The following COL2A1 variants were observed in gnomAD, a reference collection of about 807,000 sequenced individuals.
The protein encoded by COL2A1 is collagen type II alpha 1 chain, also known as collagen alpha-1(II) chain.
COL2A1 carries 28 observed loss-of-function variants against 204.5 expected under a neutral mutation model. The observed-to-expected ratio is 0.14, with a 90% CI of 0.10 to 0.19. The LOEUF (loss-of-function observed/expected upper bound fraction) is 0.19, where lower values mean the gene tolerates loss of function less well. Ranked by LOEUF, COL2A1 falls within the 10% of genes least tolerant of loss-of-function variation. COL2A1 has a pLI of 1.00. For synonymous variants in COL2A1, 708 were observed against 718.7 expected, an observed-to-expected ratio of 0.99 and a Z score of 0.24; for missense variants, 1,388 against 2,027.5, an observed-to-expected ratio of 0.68 and a Z score of 6.06.
At chr12:47,977,724 C>T (rs1376949582) in intron 44 of COL2A1, 71 bp from the exon 45 acceptor site, 15 of 1,517,836 alleles carry the variant, frequency 9.9e-6, no homozygotes, top group African/African-American at 6.9e-5. Context: ...CCCCCAGCCC[C>T]TCTCAGAAGC....
rs771198337 is a variant in COL2A1 at position 47,982,915 on chromosome 12, G to A, written c.2126C>T (p.Ser709Phe). 7 of 1,613,536 alleles carry A rather than the reference G, an allele frequency of 4.3e-6. No individual in the cohort carries two copies. The highest frequency in any genetic ancestry group is 5.9e-6 in the Non-Finnish European group (7 of 1,179,918). ...ACCCTGGAGGCCCTGGGCACCGGGA[G>A]AGCCACGTTCACCTGGGAAACCTCG... ...GERGFPGERG[S>F]PGAQGLQGPR... is the part of the protein sequence containing the mutation. Residue 709 changes from serine to phenylalanine, a missense_variant, in exon 33 of 54, where the codon TCT (serine) becomes TTT (phenylalanine). By Grantham distance (155) the Ser-to-Phe change is radical. Transcript: ENST00000380518.
chr12:47,995,835 C>T (rs1303950073), intron 9 of COL2A1, 40 bp downstream of exon 9: 1 of 1,610,304 alleles, frequency 6.2e-7, no homozygotes, highest in African/African-American at 1.3e-5. Flanking sequence ...TGGGAATCAT[C>T]TGCGACACGA....
rs748549541 is a variant in COL2A1 at position 47,975,991 on chromosome 12, C to T, written c.3569G>A (p.Arg1190His). The T allele has an allele frequency of 9.9e-6, 16 of 1,613,932 alleles. No individual in the cohort carries two copies. Among genetic ancestry groups the T allele is most frequent in the Admixed American group, 1.7e-5 (1 of 60,030 alleles). The change falls in exon 50 of 54, where the codon CGT becomes CAT. Residue 1190 changes from arginine to histidine, a missense_variant. This residue lies in a region of COL2A1 where 884 missense variants were observed against 1,415.8 expected (regional missense o/e 0.62). Transcript: ENST00000380518. Reference protein sequence around the residue: ...IPGPIGPPGPRGRSGETGPAG... With the variant: ...IPGPIGPPGPHGRSGETGPAG... The stretch of plus-strand genomic sequence containing the variant: ...AGGGCCGGTTTCGCCTGATCGTCCA[C>T]GGGGACCAGGAGGCCCAATGGGGCC...
chr12:47,976,582 G>A lies in COL2A1; in HGVS notation c.3436-15C>T. 2 of 1,614,140 alleles carry A rather than the reference G, an allele frequency of 1.2e-6. No homozygotes were observed. Among genetic ancestry groups the A allele is most frequent in the East Asian group, 2.2e-5 (1 of 44,888 alleles). On this transcript the variant is annotated splice_polypyrimidine_tract_variant and intron_variant, in intron 48 of 53. Transcript: ENST00000380518. The surrounding 1 kb of genome is among the most constrained non-coding windows in gnomAD (Gnocchi z 4.3). The stretch of plus-strand genomic sequence containing the variant: ...CCAGAAGGACCCTGTGTAGAAGGAA[G>A]AGGCAAAAGGCCACGGTCAGCACAG...
chr12:48,005,975 T>A (rs1207691781), upstream of COL2A1: 2 of 152,282 alleles, frequency 1.3e-5, no homozygotes, highest in Non-Finnish European at 2.9e-5. Flanking sequence ...GAACTCATTG[T>A]TGAAGGAAAT....
chr12:48,000,064 C>T lies in COL2A1; in HGVS notation c.147G>A (p.Pro49=), dbSNP rs372734539. 4.6e-5 allele frequency: 74 copies of T among 1,613,894 alleles called. No individual in the cohort carries two copies. In the East Asian group the frequency reaches 8.0e-4, roughly 17 times the overall value. The stretch of plus-strand genomic sequence containing the variant: ...CACAGACACAGATCCGGCAGGGCTC[C>T]GGCTTCCACACATCCTTATCATTAT... ...QRYNDKDVWK[P]EPCRICVCDT... Residue 49 remains proline, a synonymous_variant, in exon 2 of 54, where the codon CCG becomes CCA. Transcript: ENST00000380518.
At chr12:47,994,075 GCA>G (rs1387962525) in intron 12 of COL2A1, 28 bp from the exon 13 acceptor site, 4 of 1,613,558 alleles carry the variant, frequency 2.5e-6, no homozygotes, top group African/African-American at 1.3e-5. Context: ...GGTGTTCAGA[GCA>G]CAGAGTAAAA....
Position 47,981,522 on chromosome 12 carries a change from T to C in COL2A1, c.2410-126A>G, listed in dbSNP as rs1036818983. The C allele has an allele frequency of 8.0e-5, 76 of 948,750 alleles. No homozygotes were observed. In the Admixed American group the frequency reaches 1.5e-3, roughly 19 times the overall value. The allele number at this position is 948,750 out of a possible 1,614,324, so 58.8% of individuals were successfully genotyped here. A position where few individuals can be genotyped will look rare whatever the true frequency, so the allele number is the denominator to read the frequency against. ...CTCCAGGTCCCCCTGGCACAGCCTG[T>C]GTTACTGTGCAGCCCATACCCGCAC... On this transcript the variant is annotated intron_variant, in intron 36 of 53. Transcript: ENST00000380518.
intron 16 of COL2A1, 146 bp downstream of exon 16, chr12:47,992,732 T>C: frequency 2.4e-6 from 2 of 843,556 alleles, no homozygotes; most frequent in Non-Finnish European, 4.0e-6. Context: ...GCCTGGGAAG[T>C]TTTGATGGGC....
Position 47,972,972 on chromosome 12 carries a change from TC to T in COL2A1, c.*434del, listed in dbSNP as rs1938508730. Reference sequence around the variant, plus strand: ...ACAAACCACAAGTCAATATGTACTTTCCAATAATCTTTTCATTTTTAATATC... The same window carrying T: ...ACAAACCACAAGTCAATATGTACTTTCAATAATCTTTTCATTTTTAATATC... On this transcript the variant is annotated 3_prime_UTR_variant, in exon 54 of 54. Coordinates refer to ENST00000380518, the MANE Select transcript of COL2A1 (RefSeq NM_001844.5). The T allele has an allele frequency of 2.0e-6, 1 of 494,046 alleles. No homozygotes were observed. The highest frequency in any genetic ancestry group is 4.9e-5 in the South Asian group (1 of 20,430). 30.6% of individuals were successfully genotyped at this position (494,046 alleles called of 1,614,324 possible). A position where few individuals can be genotyped will look rare whatever the true frequency, so the allele number is the denominator to read the frequency against.
Position 47,994,031 on chromosome 12 carries a change from G to A in COL2A1, c.833C>T (p.Pro278Leu). The change falls in exon 13 of 54, where the codon CCA becomes CTA. Residue 278 changes from proline to leucine, a missense_variant. By Grantham distance (98) the Pro-to-Leu change is moderately conservative. Transcript: ENST00000380518. ...GACACCAGGAAGGCCTGGGGTTCCTGGGAAACCACGAGCACCCTGCAATCC... is the reference window on the plus strand; with the variant it reads ...GACACCAGGAAGGCCTGGGGTTCCTAGGAAACCACGAGCACCCTGCAATCC... Reference protein sequence around the residue: ...PPGPQGARGFPGTPGLPGVKG... With the variant: ...PPGPQGARGFLGTPGLPGVKG... 1 of 1,614,036 alleles carries A rather than the reference G, an allele frequency of 6.2e-7. No homozygotes were observed. Among genetic ancestry groups the A allele is most frequent in the Non-Finnish European group, 8.5e-7 (1 of 1,179,996 alleles).
chr12:47,981,954 C>A, intron 35 of COL2A1, 125 bp from the exon 36 acceptor site: 1 of 1,303,216 alleles, frequency 7.7e-7, no homozygotes, highest in Admixed American at 1.7e-5. Context: ...CCCTCTGGCC[C>A]CATTTTAACA....
At chr12:47,975,198 T>C (rs747932231) in intron 51 of COL2A1, 119 bp downstream of exon 51, 33 of 1,293,620 alleles carry the variant, frequency 2.6e-5, no homozygotes, top group Non-Finnish European at 3.4e-5. Flanking sequence ...AGGAACCCTC[T>C]GGCGGAAACT....
intron 1 of COL2A1, among the ~76,000 whole-genome samples, chr12:48,001,433 A>G (rs1386756852): frequency 6.6e-6 from 1 of 152,242 alleles, no homozygotes; most frequent in Non-Finnish European, 1.5e-5. Context: ...ACCCGCCGTT[A>G]AAATAGCTGG....
At chr12:47,998,287 G>C in intron 3 of COL2A1, 86 bp from the exon 4 acceptor site, 1 of 1,578,920 alleles carries the variant, frequency 6.3e-7, no homozygotes, top group East Asian at 2.2e-5. Context: ...CCTGTGTTGA[G>C]GTACCCTCTG....
At chr12:47,996,737 T>C in intron 7 of COL2A1, 112 bp from the exon 8 acceptor site, 1 of 873,826 alleles carries the variant, frequency 1.1e-6, no homozygotes, top group Non-Finnish European at 2.0e-6. Context: ...ACTCTGATTG[T>C]TGGAGACTAA....
chr12:47,974,720 C>T lies in COL2A1; in HGVS notation c.4029G>A (p.Glu1343=). The change falls in exon 52 of 54, where the codon GAG becomes GAA. Residue 1343 remains glutamate, a synonymous_variant. Transcript: ENST00000380518. ...TTTCTCCAAACCAGATGTGTTTCTTCTCCTTGCTCTTGCTGCTCCACCAGT... is the reference window on the plus strand; with the variant it reads ...TTTCTCCAAACCAGATGTGTTTCTTTTCCTTGCTCTTGCTGCTCCACCAGT... ...KKNWWSSKSK[E]KKHIWFGETI... is the part of the protein sequence containing the mutation. 6.2e-7 allele frequency: 1 copy of T among 1,614,230 alleles called. No homozygotes were observed. The highest frequency in any genetic ancestry group is 1.1e-5 in the South Asian group (1 of 91,090).
rs1938576301 is a variant in COL2A1, at chr12:47,974,206, C to T, written c.4200G>A (p.Leu1400=). The change falls in exon 53 of 54, where the codon CTG becomes CTA. Residue 1400 remains leucine (L), a synonymous_variant. Coordinates refer to ENST00000380518, the MANE Select transcript of COL2A1 (RefSeq NM_001844.5). Reference sequence around the variant, plus strand: ...TCTTGAGGTTGCCAGCTGCTTCGTCCAGATAGGCAATGCTGTTCTTGCAGT... The same window carrying T: ...TCTTGAGGTTGCCAGCTGCTTCGTCTAGATAGGCAATGCTGTTCTTGCAGT... ...TYHCKNSIAY[L]DEAAGNLKKA... The T allele has an allele frequency of 1.9e-6, 3 of 1,614,128 alleles. No individual in the cohort carries two copies. Among genetic ancestry groups the T allele is most frequent in the Non-Finnish European group, 1.7e-6 (2 of 1,180,050 alleles).
intron 1 of COL2A1, among the ~76,000 whole-genome samples, chr12:48,001,590 C>T (rs145156813): frequency 6.6e-6 from 1 of 152,114 alleles, no homozygotes; most frequent in African/African-American, 2.4e-5. Flanking sequence ...ACTCCCCGTG[C>T]GGATCAGATT....
Sources: gnomAD v4.1 joint callset for allele counts (sites outside exome capture counted in the v4.1 genomes callset) on GRCh38, gnomAD v4.1.1 for gene constraint, gnomAD v4.1.1 regional missense constraint, Gnocchi (gnomAD v3.1) non-coding constraint, MANE v1.5 for transcripts, NCBI Gene and HGNC (gene_info 2026-07-23, HGNC 2026-07-21) for gene names.